Variants in DNAH3 observed in about 807,000 individuals in gnomAD.
DNAH3 encodes the protein axonemal beta dynein heavy chain 3.
A neutral mutation model predicts 432.5 loss-of-function variants in DNAH3; 332 were observed. That is an observed-to-expected ratio of 0.77 (90% CI 0.70 to 0.84). The LOEUF is 0.84. DNAH3 is among the 40% of genes least tolerant of loss of function. The pLI is 0.00. For synonymous variants in DNAH3, 1,956 were observed against 1,900.2 expected (o/e 1.03, Z -0.76); for missense variants, 4,861 against 5,114.0 (o/e 0.95, Z 1.51).
At chr16:21,125,149 G>A (rs1292714724) in intron 9 of DNAH3, 26 bp downstream of exon 10, 12 of 1,550,384 alleles carry the variant, frequency 7.7e-6, no homozygotes, top group Admixed American at 1.9e-5. Flanking sequence ...CCCCTCAAAA[G>A]GTCCAAATGC....
chr16:21,114,503 C>G (rs1410915169), intron 12 of DNAH3, among the ~76,000 whole-genome samples: 1 of 152,164 alleles, frequency 6.6e-6, no homozygotes, highest in Non-Finnish European at 1.5e-5. Context: ...ACTTTAGAGA[C>G]TCTGAAACTG....
chr16:21,031,032 G>A lies in DNAH3; in HGVS notation c.5439+13C>T. 1 of 1,613,686 alleles carries A rather than the reference G, an allele frequency of 6.2e-7. No individual in the cohort carries two copies. ...CTCACTCATGGAAAAGTCATATCAGGGTCAATACTTACCTTTTTATTGTCA... is the reference window on the plus strand; with the variant it reads ...CTCACTCATGGAAAAGTCATATCAGAGTCAATACTTACCTTTTTATTGTCA... On this transcript the variant is annotated intron_variant, in intron 37 of 61. Transcript: ENST00000261383.
At chr16:21,052,678 A>G (rs1022025885) in intron 28 of DNAH3, among the ~76,000 whole-genome samples, 9 of 152,244 alleles carry the variant, frequency 5.9e-5, no homozygotes, top group African/African-American at 2.2e-4. Flanking sequence ...TGTCCTTGGC[A>G]TATGAAAATG....
exon 53 of DNAH3, chr16:20,965,359 C>T: frequency 6.4e-7 from 1 of 1,557,992 alleles, no homozygotes; most frequent in Non-Finnish European, 8.7e-7. Flanking sequence ...TGTCTTAAGA[C>T]TCTCCAAGAA....
intron 37 of DNAH3, among the ~76,000 whole-genome samples, chr16:21,028,778 C>T (rs1464087451): frequency 2.0e-5 from 3 of 152,124 alleles, no homozygotes; most frequent in Admixed American, 6.5e-5. Context: ...ACACTGTTTC[C>T]TACTCACGAA....
Position 21,025,953 on chromosome 16 carries a change from G to A in DNAH3, c.5540+1074C>T, listed in dbSNP as rs190083601. ...GAGGTTTCACCATGTTGGCCAGGCT[G>A]GTCTCAAACTCCTGACCTCAGGTGA... On this transcript the variant is annotated intron_variant, in intron 38 of 61. Transcript: ENST00000261383. Among the ~76,000 whole-genome samples, 427 of 152,116 alleles carry A rather than the reference G, an allele frequency of 2.8e-3. 1 individual carries two copies. Among genetic ancestry groups the A allele is most frequent in the African/African-American group, 9.9e-3 (409 of 41,492 alleles).
intron 12 of DNAH3, among the ~76,000 whole-genome samples, chr16:21,116,741 G>T (rs2092211561): frequency 6.6e-6 from 1 of 152,190 alleles, no homozygotes; most frequent in African/African-American, 2.4e-5. Context: ...AAAACAGACA[G>T]TTGCCTCAAA....
At chr16:20,970,099 C>T in intron 51 of DNAH3, 109 bp from the exon 52 acceptor site, 2 of 1,034,968 alleles carry the variant, frequency 1.9e-6, no homozygotes, top group Non-Finnish European at 1.5e-6. Flanking sequence ...GCTTCCTCTT[C>T]CAGATACCCT....
At chr16:20,933,471 C>G in exon 62 of DNAH3, 1 of 1,608,690 alleles carries the variant, frequency 6.2e-7, no homozygotes. Context: ...GCCCCATCTT[C>G]GGGGTTATTC....
chr16:21,006,974 T>TGGA (rs1162958070), intron 41 of DNAH3, among the ~76,000 whole-genome samples: 1 of 152,206 alleles, frequency 6.6e-6, no homozygotes, highest in East Asian at 1.9e-4. Context: ...TGTTTAACTT[T>TGGA]GGAGGAAGTG....
intron 20 of DNAH3, among the ~76,000 whole-genome samples, chr16:21,080,845 T>G (rs2091159260): frequency 2.6e-5 from 4 of 152,106 alleles, no homozygotes; most frequent in Admixed American, 2.6e-4. Flanking sequence ...AGCATCCAAA[T>G]GGTAAAATTC....
chr16:20,963,261 C>T (rs767093000), intron 53 of DNAH3, 23 bp downstream of exon 53: 1 of 1,604,114 alleles, frequency 6.2e-7, no homozygotes. Flanking sequence ...TTCCACGTCT[C>T]TCCCACAACA....
At chr16:20,986,811 G>C (rs2086222244) in intron 47 of DNAH3, among the ~76,000 whole-genome samples, 2 of 152,028 alleles carry the variant, frequency 1.3e-5, no homozygotes, top group African/African-American at 4.8e-5. Context: ...ATTTTTCTAT[G>C]GAGAAATCAC....
At chr16:21,060,205 C>T in intron 26 of DNAH3, 59 bp downstream of exon 26, 1 of 1,388,628 alleles carries the variant, frequency 7.2e-7, no homozygotes, top group Admixed American at 1.7e-5. Flanking sequence ...TGAACCTTCT[C>T]CCCAATGTTC....
At chr16:21,106,785 A>C in intron 14 of DNAH3, 111 bp from the exon 15 acceptor site, 1 of 1,030,276 alleles carries the variant, frequency 9.7e-7, no homozygotes, top group Non-Finnish European at 1.3e-6. Context: ...CTATTTGAAA[A>C]AAAAAGAAAA....
chr16:21,159,126 A>T (rs1366529957), intron 1 of DNAH3, among the ~76,000 whole-genome samples: 1 of 151,814 alleles, frequency 6.6e-6, no homozygotes, highest in Non-Finnish European at 1.5e-5. Context: ...AAACCTCCCT[A>T]GGATTATTGA....
intron 54 of DNAH3, 23 bp downstream of exon 54, chr16:20,959,156 G>C: frequency 6.2e-7 from 1 of 1,605,446 alleles, no homozygotes; most frequent in South Asian, 1.1e-5. Context: ...CCCAGAGAAG[G>C]CAGTGGTGGG....
Position 21,126,955 on chromosome 16 carries a change from G to A in DNAH3, c.1208+732C>T, listed in dbSNP as rs183641192. On this transcript the variant is annotated intron_variant, in intron 8 of 61. Transcript: ENST00000261383. Reference sequence around the variant, plus strand: ...GGAAAACAAGCTCAGGGCTCCCTCTGTTTCTACATTATGGTGAGTTGTAGA... The same window carrying A: ...GGAAAACAAGCTCAGGGCTCCCTCTATTTCTACATTATGGTGAGTTGTAGA... Among the ~76,000 whole-genome samples the A allele has an allele frequency of 2.2e-3, 336 of 151,990 alleles. 3 individuals carry two copies. The highest frequency in any genetic ancestry group is 8.0e-3 in the African/African-American group (331 of 41,450).
At chr16:20,972,136 C>T (rs2085368681) in intron 51 of DNAH3, among the ~76,000 whole-genome samples, 2 of 152,168 alleles carry the variant, frequency 1.3e-5, no homozygotes, top group African/African-American at 4.8e-5. Context: ...ATGAGTGCAA[C>T]CCGGGAGGGC....
Sources: allele counts gnomAD v4.1 joint callset (sites outside exome capture counted in the v4.1 genomes callset), GRCh38; gene constraint gnomAD v4.1.1; transcripts MANE v1.5; gene names NCBI Gene and HGNC (gene_info 2026-07-23, HGNC 2026-07-21).